The following TMEM132D variants were observed in gnomAD, a reference collection of about 807,000 sequenced individuals.
The protein encoded by TMEM132D is transmembrane protein 132D, also known as mature OL transmembrane protein.
In TMEM132D, 21 loss-of-function variants were observed where a neutral mutation model predicts 62.3. The ratio of observed to expected loss-of-function variants is 0.34; its 90% CI spans 0.24 to 0.49. TMEM132D has a LOEUF of 0.49. TMEM132D is among the 20% of genes least tolerant of loss of function. TMEM132D has a pLI of 0.99. For missense variants in TMEM132D, 1,346 were observed against 1,402.8 expected (o/e 0.96, Z 0.65); for synonymous variants, 621 against 575.6 (o/e 1.08, Z -1.13).
chr12:129,143,979 T>C (rs1366079848), intron 5 of TMEM132D, among the ~76,000 whole-genome samples: 1 of 152,160 alleles, frequency 6.6e-6, no homozygotes. Flanking sequence ...TTGGACCATC[T>C]AATTGGGAGC....
At chr12:129,092,340 G>T (rs1324666729) in intron 5 of TMEM132D, among the ~76,000 whole-genome samples, 3 of 132,494 alleles carry the variant, frequency 2.3e-5, no homozygotes, top group Non-Finnish European at 3.1e-5. Context: ...TACAGCTACA[G>T]TTGTTGAAAT....
chr12:129,359,306 T>C (rs1328186248), intron 3 of TMEM132D, among the ~76,000 whole-genome samples: 1 of 152,134 alleles, frequency 6.6e-6, no homozygotes, highest in African/African-American at 2.4e-5. Context: ...GAGTTTCTGT[T>C]TGGGGTAATG....
intron 3 of TMEM132D, among the ~76,000 whole-genome samples, chr12:129,514,195 C>A (rs999184184): frequency 1.3e-5 from 2 of 152,060 alleles, no homozygotes; most frequent in Non-Finnish European, 2.9e-5. Context: ...CATATCCAAC[C>A]GCAGTAGGCT....
intron 1 of TMEM132D, among the ~76,000 whole-genome samples, chr12:129,758,313 C>T (rs1015712872): frequency 1.3e-5 from 2 of 152,138 alleles, no homozygotes; most frequent in Admixed American, 6.5e-5. Flanking sequence ...CTCTTCAACT[C>T]GAATAATTCC....
intron 3 of TMEM132D, among the ~76,000 whole-genome samples, chr12:129,376,466 C>T (rs1870783356): frequency 6.6e-6 from 1 of 152,074 alleles, no homozygotes; most frequent in Non-Finnish European, 1.5e-5. Context: ...GTAGCTGCTC[C>T]CATGATTCAA....
At chr12:129,538,556 T>C (rs1433470994) in intron 2 of TMEM132D, among the ~76,000 whole-genome samples, 1 of 151,998 alleles carries the variant, frequency 6.6e-6, no homozygotes, top group East Asian at 1.9e-4. Context: ...ACATACTATG[T>C]TTTTTTTCTA....
intron 5 of TMEM132D, among the ~76,000 whole-genome samples, chr12:129,115,067 A>T (rs1875853999): frequency 6.6e-6 from 1 of 152,200 alleles, no homozygotes; most frequent in African/African-American, 2.4e-5. Flanking sequence ...CAGAGCTCGT[A>T]TACATCCTCT....
At chr12:129,865,692 C>T (rs1013038526) in intron 1 of TMEM132D, among the ~76,000 whole-genome samples, 21 of 152,160 alleles carry the variant, frequency 1.4e-4, no homozygotes, top group African/African-American at 4.8e-4. Flanking sequence ...ATATACTGAA[C>T]GCATCGCAAC....
chr12:129,484,159 G>A (rs1193236982), intron 3 of TMEM132D, among the ~76,000 whole-genome samples: 1 of 152,028 alleles, frequency 6.6e-6, no homozygotes, highest in Non-Finnish European at 1.5e-5. Context: ...TAGTAGAGAT[G>A]GGGATTCACC....
At chr12:129,470,075 T>C (rs1005954777) in intron 3 of TMEM132D, among the ~76,000 whole-genome samples, 34 of 152,218 alleles carry the variant, frequency 2.2e-4, no homozygotes, top group African/African-American at 8.2e-4. Context: ...GGGGAGATAC[T>C]GGACGGATCA....
At chr12:129,621,169 C>T (rs1879057104) in intron 2 of TMEM132D, among the ~76,000 whole-genome samples, 1 of 152,080 alleles carries the variant, frequency 6.6e-6, no homozygotes, top group Non-Finnish European at 1.5e-5. Flanking sequence ...AGAACAAACA[C>T]TGTACTTTCT....
chr12:129,289,875 C>A (rs1259524297), intron 4 of TMEM132D, among the ~76,000 whole-genome samples: 1 of 152,088 alleles, frequency 6.6e-6, no homozygotes, highest in East Asian at 1.9e-4. Flanking sequence ...TAAGACAAGG[C>A]CATAGAAAAC....
chr12:129,653,114 AG>A (rs1879974326), intron 2 of TMEM132D, among the ~76,000 whole-genome samples: 1 of 152,174 alleles, frequency 6.6e-6, no homozygotes, highest in African/African-American at 2.4e-5. Flanking sequence ...AACCGTGTGA[AG>A]GGAAGAGATT....
chr12:129,085,708 C>T (rs1007662287), intron 5 of TMEM132D: 4 of 152,228 alleles, frequency 2.6e-5, no homozygotes, highest in African/African-American at 7.2e-5. Flanking sequence ...CTATGTTCCT[C>T]TACCAGGAAG....
chr12:129,412,659 A>C (rs899517906), intron 3 of TMEM132D, among the ~76,000 whole-genome samples: 29 of 152,296 alleles, frequency 1.9e-4, no homozygotes, highest in African/African-American at 7.0e-4. Context: ...GTTTGAGACC[A>C]GTCTGGTCAA....
chr12:129,073,847 T>G lies in TMEM132D; in HGVS notation c.*28A>C, dbSNP rs2135601129. 8.1e-5 allele frequency: 121 copies of G among 1,499,070 alleles called. No individual in the cohort carries two copies. The highest frequency in any genetic ancestry group is 9.4e-5 in the Non-Finnish European group (105 of 1,118,352). The allele number at this position is 1,499,070 out of a possible 1,614,324, so 92.9% of individuals were successfully genotyped here. A position where few individuals can be genotyped will look rare whatever the true frequency, so the allele number is the denominator to read the frequency against. On this transcript the variant is annotated 3_prime_UTR_variant, in exon 9 of 9. Coordinates refer to ENST00000422113, the MANE Select transcript of TMEM132D (RefSeq NM_133448.3). ...CTGGAATTAAAGGCTGAAAGGTGAGTGAGAACCAATGTCTGTGTGTGTCTG... is the reference window on the plus strand; with the variant it reads ...CTGGAATTAAAGGCTGAAAGGTGAGGGAGAACCAATGTCTGTGTGTGTCTG...
chr12:129,512,045 G>GT (rs1030508235), intron 3 of TMEM132D, among the ~76,000 whole-genome samples: 2 of 152,128 alleles, frequency 1.3e-5, no homozygotes, highest in Non-Finnish European at 2.9e-5. Flanking sequence ...TTGTTCTTCT[G>GT]TTTTTTGTTT....
chr12:129,188,762 G>GAGA (rs1878293924), intron 5 of TMEM132D, among the ~76,000 whole-genome samples: 6 of 126,226 alleles, frequency 4.8e-5, no homozygotes, highest in African/African-American at 1.7e-4. Flanking sequence ...AGGGAGAGAG[G>GAGA]GAGAGAGAGA....
chr12:129,511,769 A>G (rs1433985069), intron 3 of TMEM132D, among the ~76,000 whole-genome samples: 1 of 152,204 alleles, frequency 6.6e-6, no homozygotes, highest in East Asian at 1.9e-4. Flanking sequence ...CAGTTTTAAT[A>G]CTGAAAACAA....
Sources: gnomAD v4.1 joint callset for allele counts (sites outside exome capture counted in the v4.1 genomes callset) on GRCh38, gnomAD v4.1.1 for gene constraint, MANE v1.5 for transcripts, NCBI Gene and HGNC (gene_info 2026-07-23, HGNC 2026-07-21) for gene names.